ADGRB3: variants seen among roughly 807,000 people sequenced by gnomAD.
ADGRB3 encodes adhesion G protein-coupled receptor B3.
A neutral mutation model predicts 193.4 loss-of-function variants in ADGRB3; 37 were observed. The observed-to-expected ratio is 0.19, with a 90% CI of 0.15 to 0.25. ADGRB3 has a LOEUF of 0.25. Ranked by LOEUF, ADGRB3 falls within the 10% of genes least tolerant of loss-of-function variation. The pLI is 1.00. For missense variants in ADGRB3, 1,637 were observed against 1,852.9 expected, an observed-to-expected ratio of 0.88 and a Z score of 2.14; for synonymous variants, 690 against 644.2, an observed-to-expected ratio of 1.07 and a Z score of -1.08.
chr6:68,973,193 G>A (rs1768639217), intron 8 of ADGRB3, among the ~76,000 whole-genome samples: 1 of 152,170 alleles, frequency 6.6e-6, no homozygotes, highest in African/African-American at 2.4e-5. Flanking sequence ...AGATGACTGA[G>A]GAGTGTGGAT....
chr6:69,032,371 A>G lies in ADGRB3; in HGVS notation c.2107+13872A>G, dbSNP rs375180998. On this transcript the variant is annotated intron_variant, in intron 13 of 31. Transcript: ENST00000370598. ...TGTATTGCAATGATTTGAAATTAGT[A>G]AAGTTATCACGCTATATGCCTTCTT... 2.6e-5 allele frequency among the ~76,000 whole-genome samples: 4 copies of G among 152,232 alleles called. No individual in the cohort carries two copies. In the South Asian group the frequency reaches 6.2e-4, roughly 24 times the overall value.
intron 3 of ADGRB3, among the ~76,000 whole-genome samples, chr6:68,751,359 C>T (rs532130869): frequency 6.6e-6 from 1 of 152,186 alleles, no homozygotes; most frequent in East Asian, 1.9e-4. Context: ...CCCTTTTCCC[C>T]CAACCCACTG....
intron 13 of ADGRB3, among the ~76,000 whole-genome samples, chr6:69,039,747 T>C (rs1358605189): frequency 6.7e-6 from 1 of 149,190 alleles, no homozygotes; most frequent in African/African-American, 2.5e-5. Flanking sequence ...TTTTTCTTTT[T>C]TTTTTTTTTT....
rs1440586066 is a variant in ADGRB3 at position 68,729,361 on chromosome 6, G to T, written c.757+89929G>T. Among the ~76,000 whole-genome samples, 5 of 151,580 alleles carry T rather than the reference G, an allele frequency of 3.3e-5. No individual in the cohort carries two copies. The East Asian group carries it at 9.7e-4, about 29-fold the overall frequency. ...CCTGGACATAAAATTCTTTCTAAAT[G>T]TACCTTGACTATAGTACAGAAATGA... On this transcript the variant is annotated intron_variant, in intron 3 of 31. Transcript: ENST00000370598.
intron 17 of ADGRB3, among the ~76,000 whole-genome samples, chr6:69,150,124 A>G (rs888349223): frequency 2.0e-5 from 3 of 152,088 alleles, no homozygotes; most frequent in Admixed American, 2.0e-4. Context: ...GCCTATGTTC[A>G]CTCAAGGCTG....
chr6:68,749,102 G>A (rs191111651), intron 3 of ADGRB3, among the ~76,000 whole-genome samples: 9 of 152,066 alleles, frequency 5.9e-5, no homozygotes, highest in African/African-American at 2.2e-4. Flanking sequence ...TTCCTCCTGG[G>A]CCTCTTGGTC....
chr6:69,011,167 G>GTA (rs1554242057), intron 11 of ADGRB3, among the ~76,000 whole-genome samples: 16,311 of 142,894 alleles, frequency 0.11, 1,001 homozygotes, highest in Middle Eastern at 0.16. Context: ...GTGTGTGTGT[G>GTA]TATATATATA....
At position 69,156,867 on chromosome 6, in the gene ADGRB3, C is replaced by A. The variant is rs531523296; in HGVS notation, c.2481-76423C>A. On this transcript the variant is annotated intron_variant, in intron 17 of 31. Coordinates refer to ENST00000370598, the MANE Select transcript of ADGRB3 (RefSeq NM_001704.3). ...TTGGTTTACAAATGAAGAAACTAAA[C>A]CTCAGGGATGTTGGGTAACACAGCT... 2.6e-5 allele frequency among the ~76,000 whole-genome samples: 4 copies of A among 152,222 alleles called. No homozygotes were observed. In the South Asian group the frequency reaches 6.2e-4, roughly 24 times the overall value.
chr6:68,764,019 G>A (rs888075748), intron 3 of ADGRB3, among the ~76,000 whole-genome samples: 1 of 152,162 alleles, frequency 6.6e-6, no homozygotes, highest in African/African-American at 2.4e-5. Flanking sequence ...GTTGCAGTGA[G>A]CTGAAATGCA....
At chr6:68,869,897 G>A (rs1449619329) in intron 3 of ADGRB3, among the ~76,000 whole-genome samples, 1 of 152,160 alleles carries the variant, frequency 6.6e-6, no homozygotes, top group Non-Finnish European at 1.5e-5. Flanking sequence ...TCTTGCCTCA[G>A]CCTCTCCAGT....
chr6:69,095,227 A>G lies in ADGRB3; in HGVS notation c.2480+19189A>G, dbSNP rs572984090. ...GATTAAATGGTAGGAATATGTAGAA[A>G]AGCAGCAGATTTACTGAATTGTTTT... On this transcript the variant is annotated intron_variant, in intron 17 of 31. Coordinates refer to ENST00000370598, the MANE Select transcript of ADGRB3 (RefSeq NM_001704.3). Among the ~76,000 whole-genome samples the G allele has an allele frequency of 1.7e-3, 264 of 152,334 alleles. 2 individuals are homozygous for G. The highest frequency in any genetic ancestry group is 0.01 in the Middle Eastern group (3 of 294).
intron 3 of ADGRB3, among the ~76,000 whole-genome samples, chr6:68,828,061 T>TA (rs1210089443): frequency 1.3e-5 from 2 of 152,212 alleles, no homozygotes; most frequent in Non-Finnish European, 2.9e-5. Context: ...AAAACGCACA[T>TA]AGTATACACT....
intron 28 of ADGRB3, among the ~76,000 whole-genome samples, chr6:69,357,951 C>T (rs1409496643): frequency 6.6e-6 from 1 of 151,942 alleles, no homozygotes; most frequent in African/African-American, 2.4e-5. Flanking sequence ...GCCATGGTGC[C>T]AATTTCCACA....
chr6:68,650,846 G>GA (rs1300503991), intron 3 of ADGRB3, among the ~76,000 whole-genome samples: 1 of 151,602 alleles, frequency 6.6e-6, no homozygotes, highest in African/African-American at 2.4e-5. Context: ...AGAAGTAACT[G>GA]AAAAAAAATT....
At chr6:69,104,377 T>G (rs960902661) in intron 17 of ADGRB3, among the ~76,000 whole-genome samples, 1 of 147,674 alleles carries the variant, frequency 6.8e-6, no homozygotes, top group African/African-American at 2.5e-5. Flanking sequence ...CATCGTTTTC[T>G]ATGGCTGCAT....
intron 3 of ADGRB3, among the ~76,000 whole-genome samples, chr6:68,777,673 A>G: frequency 6.6e-6 from 1 of 150,978 alleles, no homozygotes; most frequent in East Asian, 1.9e-4. Context: ...GGATCTAAAA[A>G]AAAAAAAAAA....
intron 18 of ADGRB3, 21 bp downstream of exon 18, chr6:69,233,437 A>G (rs1351058640): frequency 6.2e-7 from 1 of 1,613,630 alleles, no homozygotes; most frequent in Non-Finnish European, 8.5e-7. Flanking sequence ...AAGGGAAAAC[A>G]CGGCTTTAAC....
intron 3 of ADGRB3, among the ~76,000 whole-genome samples, chr6:68,718,197 A>T (rs1215514157): frequency 6.6e-6 from 1 of 151,674 alleles, no homozygotes; most frequent in Non-Finnish European, 1.5e-5. Flanking sequence ...AAAACCATGG[A>T]TGTGAGTGGT....
chr6:69,231,150 T>TA (rs1352295417), intron 17 of ADGRB3, among the ~76,000 whole-genome samples: 5 of 152,178 alleles, frequency 3.3e-5, no homozygotes, highest in Non-Finnish European at 7.4e-5. Flanking sequence ...GACTCACATT[T>TA]CTAAACATGT....
Sources: gnomAD v4.1 joint callset for allele counts (sites outside exome capture counted in the v4.1 genomes callset) on GRCh38, gnomAD v4.1.1 for gene constraint, MANE v1.5 for transcripts, NCBI Gene and HGNC (gene_info 2026-07-23, HGNC 2026-07-21) for gene names.